The following ANAPC5 variants were observed in gnomAD, a reference collection of about 807,000 sequenced individuals.
The protein encoded by ANAPC5 is anaphase promoting complex subunit 5.
ANAPC5 carries 60 observed loss-of-function variants against 91.3 expected under a neutral mutation model. The observed-to-expected ratio is 0.66, with a 90% confidence interval of 0.53 to 0.81. The LOEUF (loss-of-function observed/expected upper bound fraction) is 0.81, where lower values mean the gene tolerates loss of function less well. ANAPC5 is among the 40% of genes least tolerant of loss of function. The pLI, the probability that ANAPC5 is intolerant of heterozygous loss-of-function variation, is 0.00. For synonymous variants in ANAPC5, 340 were observed against 364.1 expected (o/e 0.93, Z 0.75); for missense variants, 690 against 931.5 (o/e 0.74, Z 3.37).
intron 1 of ANAPC5, chr12:121,351,120 C>A: frequency 2.2e-6 from 1 of 446,314 alleles, no homozygotes; most frequent in East Asian, 7.5e-5. Context: ...TCCTGTAATC[C>A]CAATACTCTG....
intron 15 of ANAPC5, among the ~76,000 whole-genome samples, chr12:121,312,736 C>G (rs1289256905): frequency 6.7e-6 from 1 of 150,302 alleles, no homozygotes; most frequent in Non-Finnish European, 1.5e-5. Flanking sequence ...AAAAATTACC[C>G]TAGTGTGGTG....
At chr12:121,321,681 GTGCGCGCCACCA>G (rs1041666778) in intron 11 of ANAPC5, among the ~76,000 whole-genome samples, 1 of 151,606 alleles carries the variant, frequency 6.6e-6, no homozygotes, top group Non-Finnish European at 1.5e-5. Context: ...GGAATTACAG[GTGCGCGCCACCA>G]TGCTCAGCTA....
intron 13 of ANAPC5, 40 bp from the exon 14 acceptor site, chr12:121,318,648 T>G: frequency 6.7e-7 from 1 of 1,503,384 alleles, no homozygotes; most frequent in Non-Finnish European, 9.2e-7. Context: ...TTTTAACTAG[T>G]CACTTTGAGG....
At chr12:121,329,097 A>G (rs1308899731) in intron 9 of ANAPC5, 9 of 152,286 alleles carry the variant, frequency 5.9e-5, no homozygotes, top group Non-Finnish European at 1.2e-4. Context: ...TCAATTCTGT[A>G]CGTATGAGTT....
chr12:121,316,625 C>G (rs866679570), intron 15 of ANAPC5, among the ~76,000 whole-genome samples: 2 of 147,306 alleles, frequency 1.4e-5, no homozygotes, highest in Admixed American at 6.9e-5. Context: ...CCCACCTACT[C>G]GGAAGGCTGA....
intron 11 of ANAPC5, 51 bp downstream of exon 11, chr12:121,327,045 T>C: frequency 6.5e-7 from 1 of 1,537,354 alleles, no homozygotes. Flanking sequence ...AGGAAAGAAA[T>C]GGTAGAGCCT....
chr12:121,340,055 G>A (rs1226288112), intron 5 of ANAPC5, among the ~76,000 whole-genome samples: 3 of 151,134 alleles, frequency 2.0e-5, no homozygotes, highest in African/African-American at 4.9e-5. Context: ...AGTGGCTCAC[G>A]CCTGTAATCC....
At chr12:121,310,933 C>CAAAAAAAAAA (rs35742192) in intron 15 of ANAPC5, among the ~76,000 whole-genome samples, 2 of 61,160 alleles carry the variant, frequency 3.3e-5, no homozygotes, top group Admixed American at 1.9e-4. Context: ...GACTCCATCT[C>CAAAAAAAAAA]AAAAAAAAAA....
At chr12:121,352,595 G>A (rs1432133154), upstream of ANAPC5, 1 of 446,380 alleles carries the variant, frequency 2.2e-6, no homozygotes, top group African/African-American at 2.0e-5. Context: ...CTTTTGCCGA[G>A]TGGGAGCAGG....
At chr12:121,320,530 T>A in intron 11 of ANAPC5, 71 bp from the exon 12 acceptor site, 4 of 1,277,140 alleles carry the variant, frequency 3.1e-6, no homozygotes, top group Non-Finnish European at 4.5e-6. Flanking sequence ...CATGCACAGA[T>A]GGTGACAGAT....
intron 15 of ANAPC5, among the ~76,000 whole-genome samples, chr12:121,312,719 A>AG (rs1411822446): frequency 6.6e-6 from 1 of 150,784 alleles, no homozygotes; most frequent in Non-Finnish European, 1.5e-5. Flanking sequence ...AAAAAAAAAA[A>AG]AAAAAAAAAA....
chr12:121,316,608 C>T (rs183066670), intron 15 of ANAPC5, among the ~76,000 whole-genome samples: 2,367 of 151,816 alleles, frequency 0.016, 61 homozygotes, highest in African/African-American at 0.055. Flanking sequence ...TGGCGGGCGC[C>T]TGTAGTCCCA....
At chr12:121,347,223 A>G (rs187026075) in intron 2 of ANAPC5, 300 of 507,624 alleles carry the variant, frequency 5.9e-4, no homozygotes, top group Non-Finnish European at 9.1e-4. Flanking sequence ...TTGTCAAACT[A>G]TCACATCAAC....
At chr12:121,308,920 G>A (rs957008370) in intron 16 of ANAPC5, among the ~76,000 whole-genome samples, 5 of 151,988 alleles carry the variant, frequency 3.3e-5, no homozygotes, top group African/African-American at 9.7e-5. Flanking sequence ...AGGCCGAGGC[G>A]GGTGGATCAC....
chr12:121,337,879 T>C (rs1903307488), intron 5 of ANAPC5, among the ~76,000 whole-genome samples: 1 of 152,118 alleles, frequency 6.6e-6, no homozygotes, highest in Non-Finnish European at 1.5e-5. Flanking sequence ...TGTGTTTGCT[T>C]CTTGTATTTC....
At chr12:121,348,839 G>A (rs1555274974) in intron 1 of ANAPC5, among the ~76,000 whole-genome samples, 1 of 152,206 alleles carries the variant, frequency 6.6e-6, no homozygotes, top group Non-Finnish European at 1.5e-5. Context: ...TTCTAGGGAA[G>A]TTATTTTGGC....
At chr12:121,344,968 G>T (rs1303750519) in intron 4 of ANAPC5, among the ~76,000 whole-genome samples, 1 of 152,224 alleles carries the variant, frequency 6.6e-6, no homozygotes, top group Non-Finnish European at 1.5e-5. Context: ...GATGCTGCCT[G>T]AAGAACAGAT....
At chr12:121,346,610 C>A (rs1371446820) in intron 3 of ANAPC5, 3 of 280,744 alleles carry the variant, frequency 1.1e-5, no homozygotes, top group East Asian at 1.3e-4. Context: ...TACAGATGGA[C>A]CATGCAGGCA....
intron 16 of ANAPC5, among the ~76,000 whole-genome samples, chr12:121,309,146 CAAAAAA>C (rs35933671): frequency 0.02 from 750 of 36,834 alleles, 16 homozygotes; most frequent in South Asian, 0.12. Flanking sequence ...GACTCCATCT[CAAAAAA>C]AAAAAAAAAA....
Sources: gnomAD v4.1 joint callset for allele counts (sites outside exome capture counted in the v4.1 genomes callset) on GRCh38, gnomAD v4.1.1 for gene constraint, MANE v1.5 for transcripts, NCBI Gene and HGNC (gene_info 2026-07-23, HGNC 2026-07-21) for gene names.